MINPP1: variants seen among roughly 807,000 people sequenced by gnomAD.
MINPP1 encodes multiple inositol-polyphosphate phosphatase 1, also known as multiple inositol polyphosphate phosphatase 1.
Under a neutral mutation model 46.1 loss-of-function variants are expected in MINPP1, and 28 were observed. That is an observed-to-expected ratio of 0.61 (90% CI 0.45 to 0.83). The LOEUF (loss-of-function observed/expected upper bound fraction) is 0.83. MINPP1 is among the 40% of genes least tolerant of loss of function. MINPP1 has a pLI of 0.00. For missense variants in MINPP1, 603 were observed against 610.0 expected, an observed-to-expected ratio of 0.99 and a Z score of 0.12; for synonymous variants, 268 against 249.1, an observed-to-expected ratio of 1.08 and a Z score of -0.72.
At chr10:87,537,749 G>GT (rs1851758132) in intron 4 of MINPP1, among the ~76,000 whole-genome samples, 2 of 151,598 alleles carry the variant, frequency 1.3e-5, no homozygotes, top group African/African-American at 4.8e-5. Flanking sequence ...AAACTATTCT[G>GT]TTTTTTTGTG....
At position 87,505,437 on chromosome 10, in the gene MINPP1, C is replaced by T; in HGVS notation, c.522C>T (p.Tyr174=). The T allele has an allele frequency of 1.9e-6, 3 of 1,613,158 alleles. No homozygotes were observed. Among genetic ancestry groups the T allele is most frequent in the Non-Finnish European group, 2.5e-6 (3 of 1,179,632 alleles). ...LFPALFSREN[Y]GRLRLITSSK... Reference sequence around the variant, plus strand: ...CGGCCCTTTTCAGCCGTGAGAACTACGGCCGCCTGCGGCTCATCACCAGTT... The same window carrying T: ...CGGCCCTTTTCAGCCGTGAGAACTATGGCCGCCTGCGGCTCATCACCAGTT... The change falls in exon 1 of 5, where the codon TAC becomes TAT. Residue 174 remains tyrosine, a synonymous_variant. Coordinates refer to ENST00000371996, the MANE Select transcript of MINPP1 (RefSeq NM_004897.5). The surrounding 1 kb of genome is among the most constrained non-coding windows in gnomAD (Gnocchi z 4.4).
Position 87,510,075 on chromosome 10 carries a change from C to T in MINPP1, c.835+1542C>T, listed in dbSNP as rs931816774. Among the ~76,000 whole-genome samples, 3 of 152,162 alleles carry T rather than the reference C, an allele frequency of 2.0e-5. No individual in the cohort carries two copies. In the East Asian group the frequency reaches 5.8e-4, roughly 29 times the overall value. On this transcript the variant is annotated intron_variant, in intron 2 of 4. Coordinates refer to ENST00000371996, the MANE Select transcript of MINPP1 (RefSeq NM_004897.5). ...TTGACTCTACTATCCTATTGAATAA[C>T]TATGATTTTTGACAAGTTTATTAAT...
chr10:87,536,620 T>G (rs1851739585), intron 4 of MINPP1, among the ~76,000 whole-genome samples: 1 of 152,204 alleles, frequency 6.6e-6, no homozygotes, highest in South Asian at 2.1e-4. Context: ...TACATTAAGT[T>G]GTATTTTCTA....
chr10:87,531,151 C>T (rs889496971), intron 4 of MINPP1, among the ~76,000 whole-genome samples: 11 of 152,192 alleles, frequency 7.2e-5, no homozygotes, highest in Non-Finnish European at 8.8e-5. Context: ...GTGCGCTTCC[C>T]GGGTGAGGCG....
chr10:87,521,075 AGAG>A lies in MINPP1; in HGVS notation c.976_978del (p.Gly326del). The A allele has an allele frequency of 7.5e-7, 1 of 1,340,394 alleles. No individual in the cohort carries two copies. The highest frequency in any genetic ancestry group is 1.1e-6 in the Non-Finnish European group (1 of 934,670). 83.0% of individuals were successfully genotyped at this position (1,340,394 alleles called of 1,614,324 possible). On this transcript the variant is annotated inframe_deletion, in exon 4 of 5. Transcript: ENST00000371996. The stretch of plus-strand genomic sequence containing the variant: ...AAATGATCTGAAACAATATTGGAAA[AGAG>A]GATATGGGTATACTATTAACAGTCG...
chr10:87,530,759 A>G (rs1290828506), intron 4 of MINPP1, among the ~76,000 whole-genome samples: 1 of 152,170 alleles, frequency 6.6e-6, no homozygotes, highest in Non-Finnish European at 1.5e-5. Flanking sequence ...AGTCTGCAGA[A>G]GTTTCTGCTG....
chr10:87,524,468 C>G (rs1851547045), intron 4 of MINPP1, among the ~76,000 whole-genome samples: 1 of 152,234 alleles, frequency 6.6e-6, no homozygotes, highest in South Asian at 2.1e-4. Flanking sequence ...CTTCCACTTT[C>G]TTATCATCCA....
At chr10:87,510,854 T>A (rs999405802) in intron 2 of MINPP1, among the ~76,000 whole-genome samples, 13 of 152,238 alleles carry the variant, frequency 8.5e-5, no homozygotes, top group Admixed American at 6.5e-4. Context: ...ATATTTTACA[T>A]CTTGACATAT....
At chr10:87,508,575 A>G (rs778328377) in intron 2 of MINPP1, 42 bp downstream of exon 2, 133 of 1,550,074 alleles carry the variant, frequency 8.6e-5, no homozygotes, top group Non-Finnish European at 1.1e-4. Flanking sequence ...AACAGTTTAA[A>G]TAATTTTGAA....
chr10:87,552,225 G>A lies in MINPP1; in HGVS notation c.1211G>A (p.Arg404Gln), dbSNP rs373221855. Residue 404 changes from arginine (R) to glutamine (Q), a missense_variant, in exon 5 of 5, where the codon CGA (arginine) becomes CAA (glutamine). Around this residue, in one of 3 missense-constraint regions of MINPP1, gnomAD observed 344 missense variants for 381.1 expected, o/e 0.90. Coordinates refer to ENST00000371996, the MANE Select transcript of MINPP1 (RefSeq NM_004897.5). ...NYKKQMHRKF[R>Q]SGLIVPYASN... The stretch of plus-strand genomic sequence containing the variant: ...AAAAAACAAATGCATCGGAAGTTCC[G>A]AAGTGGTCTCATTGTACCTTATGCC... 12 of 1,613,710 alleles carry A rather than the reference G, an allele frequency of 7.4e-6. No homozygotes were observed. Among genetic ancestry groups the A allele is most frequent in the African/African-American group, 2.7e-5 (2 of 74,890 alleles).
chr10:87,533,610 G>A (rs1162620994), intron 4 of MINPP1, among the ~76,000 whole-genome samples: 1 of 151,930 alleles, frequency 6.6e-6, no homozygotes, highest in Non-Finnish European at 1.5e-5. Flanking sequence ...TTTATTTTGG[G>A]TCTATAATTA....
At chr10:87,534,477 G>A (rs1167158517) in intron 4 of MINPP1, among the ~76,000 whole-genome samples, 1 of 152,138 alleles carries the variant, frequency 6.6e-6, no homozygotes, top group Non-Finnish European at 1.5e-5. Context: ...ACTATCACTA[G>A]ATTGTAGGTC....
At chr10:87,518,126 A>G (rs1003075799) in intron 3 of MINPP1, among the ~76,000 whole-genome samples, 35 of 150,560 alleles carry the variant, frequency 2.3e-4, no homozygotes, top group Admixed American at 4.6e-4. Context: ...CACCCGGCTA[A>G]TTTTTTGTGT....
intron 4 of MINPP1, among the ~76,000 whole-genome samples, chr10:87,549,511 C>T (rs1429937448): frequency 6.6e-6 from 1 of 152,180 alleles, no homozygotes; most frequent in African/African-American, 2.4e-5. Context: ...CTGGTCTGAG[C>T]GAAGCTGTCC....
chr10:87,549,343 G>A (rs191115156), intron 4 of MINPP1, among the ~76,000 whole-genome samples: 3 of 152,218 alleles, frequency 2.0e-5, no homozygotes, highest in Admixed American at 6.5e-5. Context: ...GTTTTCATGT[G>A]TGTGTTTTTA....
intron 4 of MINPP1, among the ~76,000 whole-genome samples, chr10:87,547,465 TTACTC>T (rs1851903874): frequency 6.6e-6 from 1 of 152,176 alleles, no homozygotes; most frequent in Non-Finnish European, 1.5e-5. Flanking sequence ...CCTAAATTAT[TTACTC>T]TACTCCTCAT....
intron 3 of MINPP1, among the ~76,000 whole-genome samples, chr10:87,517,765 G>A (rs1017420186): frequency 9.2e-5 from 14 of 152,202 alleles, no homozygotes; most frequent in African/African-American, 2.9e-4. Flanking sequence ...TAGAATTATC[G>A]ATTCTCATGC....
Position 87,513,229 on chromosome 10 carries a change from T to C in MINPP1, c.933+8T>C, listed in dbSNP as rs773486187. On this transcript the variant is annotated splice_region_variant and intron_variant, in intron 3 of 4. Coordinates refer to ENST00000371996, the MANE Select transcript of MINPP1 (RefSeq NM_004897.5). Reference sequence around the variant, plus strand: ...GACATAGATGATGCAAAGGTAAGTATTATTTTTGCAGTTTCTTTGCTTTTT... The same window carrying C: ...GACATAGATGATGCAAAGGTAAGTACTATTTTTGCAGTTTCTTTGCTTTTT... 1.0e-5 allele frequency: 16 copies of C among 1,606,954 alleles called. No homozygotes were observed. Among genetic ancestry groups the C allele is most frequent in the Non-Finnish European group, 1.4e-5 (16 of 1,174,144 alleles).
At chr10:87,538,473 T>G (rs1409816115) in intron 4 of MINPP1, among the ~76,000 whole-genome samples, 1 of 152,232 alleles carries the variant, frequency 6.6e-6, no homozygotes, top group Non-Finnish European at 1.5e-5. Flanking sequence ...TTTCTGGTAC[T>G]TTAAGGTAGG....
Sources: allele counts gnomAD v4.1 joint callset (sites outside exome capture counted in the v4.1 genomes callset), GRCh38; gene constraint gnomAD v4.1.1; regional missense constraint gnomAD v4.1.1; non-coding constraint Gnocchi (gnomAD v3.1); transcripts MANE v1.5; gene names NCBI Gene and HGNC (gene_info 2026-07-23, HGNC 2026-07-21).